The following SART3 variants were observed in gnomAD, a reference collection of about 807,000 sequenced individuals.
SART3 encodes the protein spliceosome associated factor 3, U4/U6 recycling protein.
Under a neutral mutation model 122.3 loss-of-function variants are expected in SART3, and 44 were observed. The observed-to-expected ratio is 0.36, with a 90% CI of 0.28 to 0.46. The LOEUF (loss-of-function observed/expected upper bound fraction) is 0.46, where lower values mean the gene tolerates loss of function less well. Among genes scored for constraint, SART3 ranks in the 20% least tolerant of loss-of-function variants. SART3 has a pLI of 1.00. For missense variants in SART3, 1,101 were observed against 1,229.0 expected (o/e 0.90, Z 1.56); for synonymous variants, 442 against 454.0 (o/e 0.97, Z 0.34).
At chr12:108,548,528 T>C (rs975290478) in intron 2 of SART3, among the ~76,000 whole-genome samples, 1 of 152,250 alleles carries the variant, frequency 6.6e-6, no homozygotes, top group Admixed American at 6.5e-5. Flanking sequence ...TCGGCAGTTA[T>C]GCTTTGCAGA....
intron 1 of SART3, among the ~76,000 whole-genome samples, chr12:108,557,387 T>A (rs1031100596): frequency 1.3e-5 from 2 of 151,908 alleles, no homozygotes; most frequent in African/African-American, 2.4e-5. Context: ...ACTTAACCAA[T>A]CACAAAATGA....
In SART3 at chr12:108,561,159, C is replaced by A; in HGVS notation, c.-5G>T. 2 of 1,613,074 alleles carry A rather than the reference C, an allele frequency of 1.2e-6. No homozygotes were observed. The highest frequency in any genetic ancestry group is 2.2e-5 in the South Asian group (2 of 91,054). On this transcript the variant is annotated 5_prime_UTR_variant, in exon 1 of 19. Transcript: ENST00000546815. ...GGTTTCGGCCGCAGTCGCCATCTTG[C>A]GCTTCTAATGACTCTCGGGTCTTCC...
intron 1 of SART3, among the ~76,000 whole-genome samples, chr12:108,550,500 G>A (rs1287157293): frequency 6.6e-6 from 1 of 152,172 alleles, no homozygotes; most frequent in Non-Finnish European, 1.5e-5. Flanking sequence ...AGTCAACTCC[G>A]TATATTTTAA....
intron 6 of SART3, chr12:108,542,770 C>A: frequency 1.8e-6 from 1 of 567,888 alleles, no homozygotes; most frequent in Non-Finnish European, 3.3e-6. Context: ...AAGTGATTAC[C>A]TCTCGGGAGA....
chr12:108,555,843 A>G (rs1411033333), intron 1 of SART3, among the ~76,000 whole-genome samples: 1 of 152,230 alleles, frequency 6.6e-6, no homozygotes, highest in Non-Finnish European at 1.5e-5. Flanking sequence ...TCTAAAATTT[A>G]TATGAAAGAG....
intron 14 of SART3, 31 bp from the exon 15 acceptor site, chr12:108,530,341 G>T (rs1379863064): frequency 2.9e-5 from 47 of 1,611,250 alleles, no homozygotes; most frequent in Non-Finnish European, 3.9e-5. Flanking sequence ...TGCATCGCTG[G>T]ATGTGGCAAT....
Position 108,545,158 on chromosome 12 carries a change from G to C in SART3, c.710C>G (p.Ala237Gly), listed in dbSNP as rs760281519. 11 of 1,613,698 alleles carry C rather than the reference G, an allele frequency of 6.8e-6. No individual in the cohort carries two copies. In the East Asian group the frequency reaches 2.5e-4, roughly 36 times the overall value. The stretch of plus-strand genomic sequence containing the variant: ...ACTCACCCGAGCAGCTTCCACAATC[G>C]CACTTTCAAACTCTCGGTAAGCCTC... ...LWEAYREFES[A>G]IVEAARLEKV... is the part of the protein sequence containing the mutation. The change falls in exon 4 of 19, where the codon GCG becomes GGG. Residue 237 changes from alanine to glycine, a missense_variant. Ala to Gly is a moderately conservative substitution (Grantham distance 60). Coordinates refer to ENST00000546815, the MANE Select transcript of SART3 (RefSeq NM_014706.4).
chr12:108,542,775 G>T, intron 6 of SART3: 1 of 577,594 alleles, frequency 1.7e-6, no homozygotes, highest in Non-Finnish European at 3.2e-6. Flanking sequence ...ATTACCTCTC[G>T]GGAGAGGGAG....
Position 108,543,059 on chromosome 12 carries a change from A to T in SART3, c.875T>A (p.Leu292Gln). 1 of 1,614,250 alleles carries T rather than the reference A, an allele frequency of 6.2e-7. No homozygotes were observed. Among genetic ancestry groups the T allele is most frequent in the Non-Finnish European group, 8.5e-7 (1 of 1,180,042 alleles). ...IQNYNKALQQ[L>Q]EKYKPYEEAL... ...TTCTTCATAGGGTTTATATTTCTCC[A>T]GCTGCTGTAGTGCTTTGTTATAGTT... The change falls in exon 6 of 19, where the codon CTG becomes CAG. Residue 292 changes from leucine to glutamine, a missense_variant. This residue lies in a region of SART3 where 885 missense variants were observed against 1,080.1 expected (regional missense o/e 0.82). Transcript: ENST00000546815.
chr12:108,538,654 T>TACAA (rs747367872), intron 7 of SART3, among the ~76,000 whole-genome samples: 1 of 152,214 alleles, frequency 6.6e-6, no homozygotes, highest in Non-Finnish European at 1.5e-5. Context: ...TGTCTACTTT[T>TACAA]ATATGTTTAC....
chr12:108,538,836 A>G, intron 7 of SART3, 98 bp downstream of exon 7: 1 of 1,435,594 alleles, frequency 7.0e-7, no homozygotes, highest in South Asian at 1.2e-5. Context: ...AGGAAAAGCA[A>G]GAGTAGGGCC....
At chr12:108,541,641 C>A (rs561631617) in intron 6 of SART3, among the ~76,000 whole-genome samples, 83 of 152,040 alleles carry the variant, frequency 5.5e-4, no homozygotes, top group Non-Finnish European at 9.4e-4. Context: ...CGGCTTCAAG[C>A]GATTCCCCTG....
intron 1 of SART3, among the ~76,000 whole-genome samples, chr12:108,549,888 G>A (rs1425473460): frequency 1.3e-5 from 2 of 151,786 alleles, no homozygotes; most frequent in Non-Finnish European, 2.9e-5. Flanking sequence ...ATGGTGGCAT[G>A]CACCTGTGGT....
rs772307692 is a variant in SART3 at position 108,542,880 on chromosome 12, T to G, written c.906+148A>C. 6.3e-6 allele frequency: 7 copies of G among 1,113,538 alleles called. No homozygotes were observed. In the Admixed American group the frequency reaches 1.1e-4, roughly 18 times the overall value. The allele number at this position is 1,113,538 out of a possible 1,614,324, so 69.0% of individuals were successfully genotyped here. A position where few individuals can be genotyped will look rare whatever the true frequency, so the allele number is the denominator to read the frequency against. On this transcript the variant is annotated intron_variant, in intron 6 of 18. Transcript: ENST00000546815. ...GGTGGTAGGTACATGGATGTTCACT[T>G]TATTATTAGTATGTAAACTGTACGT...
chr12:108,528,909 G>A (rs1234045553), intron 15 of SART3, among the ~76,000 whole-genome samples: 1 of 152,106 alleles, frequency 6.6e-6, no homozygotes, highest in Non-Finnish European at 1.5e-5. Flanking sequence ...ATCACTTGAG[G>A]CCACAAGTTC....
chr12:108,530,241 C>A lies in SART3; in HGVS notation c.1816G>T (p.Ala606Ser), dbSNP rs1872609435. The change falls in exon 15 of 19, where the codon GCT (alanine) becomes TCT (serine). Residue 606 changes from alanine to serine, a missense_variant. Coordinates refer to ENST00000546815, the MANE Select transcript of SART3 (RefSeq NM_014706.4). Reference sequence around the variant, plus strand: ...TTCTTTTTTAACGCTTTCTTCTCAGCCCGAGCTCTTTTCCGTTGTTCAGCC... The same window carrying A: ...TTCTTTTTTAACGCTTTCTTCTCAGACCGAGCTCTTTTCCGTTGTTCAGCC... ...EKAEQRKRARAEKKALKKKKK... is the reference protein window; with the variant it reads ...EKAEQRKRARSEKKALKKKKK... 1.2e-6 allele frequency: 2 copies of A among 1,614,040 alleles called. No individual in the cohort carries two copies. The highest frequency in any genetic ancestry group is 2.7e-5 in the African/African-American group (2 of 74,916).
intron 12 of SART3, among the ~76,000 whole-genome samples, chr12:108,532,897 G>A (rs928580012): frequency 2.0e-5 from 3 of 152,070 alleles, no homozygotes; most frequent in African/African-American, 4.8e-5. Flanking sequence ...GGGATTACAG[G>A]TGCCCACCAC....
At chr12:108,552,147 T>C (rs1422618781) in intron 1 of SART3, among the ~76,000 whole-genome samples, 1 of 151,786 alleles carries the variant, frequency 6.6e-6, no homozygotes, top group Non-Finnish European at 1.5e-5. Flanking sequence ...CCAACAACGA[T>C]TCATGGTTAA....
rs1160358099 is a variant in SART3 at position 108,523,095 on chromosome 12, G to A, written c.*362C>T. On this transcript the variant is annotated 3_prime_UTR_variant, in exon 19 of 19. Coordinates refer to ENST00000546815, the MANE Select transcript of SART3 (RefSeq NM_014706.4). ...CACATGTGCTGTGCAGGGTGGAAGAGAAGTGTCATACAAAAAGGGGCCGGA... is the reference window on the plus strand; with the variant it reads ...CACATGTGCTGTGCAGGGTGGAAGAAAAGTGTCATACAAAAAGGGGCCGGA... 5.6e-6 allele frequency: 2 copies of A among 356,150 alleles called. No individual in the cohort carries two copies. The highest frequency in any genetic ancestry group is 2.8e-5 in the South Asian group (1 of 35,594). 22.1% of individuals were successfully genotyped at this position (356,150 alleles called of 1,614,324 possible).
Sources: gnomAD v4.1 joint callset for allele counts (sites outside exome capture counted in the v4.1 genomes callset) on GRCh38, gnomAD v4.1.1 for gene constraint, gnomAD v4.1.1 regional missense constraint, MANE v1.5 for transcripts, NCBI Gene and HGNC (gene_info 2026-07-23, HGNC 2026-07-21) for gene names.